Variants in SLC45A4 observed in about 807,000 individuals in gnomAD.
SLC45A4 encodes polyamine-transporter SLC45A4.
In SLC45A4, 32 loss-of-function variants were observed where a neutral mutation model predicts 63.7. The observed-to-expected ratio is 0.50, with a 90% CI of 0.38 to 0.67. SLC45A4 has a LOEUF of 0.67. Ranked by LOEUF, SLC45A4 falls within the 30% of genes least tolerant of loss-of-function variation. The pLI is 0.00. For missense variants in SLC45A4, 1,027 were observed against 1,157.7 expected (o/e 0.89, Z 1.64); for synonymous variants, 535 against 510.0 (o/e 1.05, Z -0.66).
intron 1 of SLC45A4, among the ~76,000 whole-genome samples, chr8:141,263,501 CTCATGCCTGTAA>C (rs1353626273): frequency 6.6e-6 from 1 of 151,926 alleles, no homozygotes; most frequent in East Asian, 1.9e-4. Context: ...GGCGCAGTGG[CTCATGCCTGTAA>C]TCCCAGCATT....
At position 141,296,864 on chromosome 8, in the gene SLC45A4, G is replaced by A. The variant is rs573310961; in HGVS notation, c.-401+11232C>T. On this transcript the variant is annotated intron_variant, in intron 1 of 8. Transcript: ENST00000517878. ...AAAAAAAAAAAAAAAAAAAGTGGAG[G>A]GAAAGACCCTCACGCCCTTTATCAT... 2.0e-5 allele frequency among the ~76,000 whole-genome samples: 3 copies of A among 151,252 alleles called. No individual in the cohort carries two copies. In the South Asian group the frequency reaches 6.3e-4, roughly 32 times the overall value.
intron 1 of SLC45A4, among the ~76,000 whole-genome samples, chr8:141,301,738 A>C (rs1282719620): frequency 3.2e-5 from 2 of 63,184 alleles, no homozygotes; most frequent in Admixed American, 2.0e-4. Context: ...CTATCTCAAA[A>C]AAAAAAAAAA....
chr8:141,213,865 G>C (rs1315691058), intron 7 of SLC45A4, among the ~76,000 whole-genome samples: 1 of 152,160 alleles, frequency 6.6e-6, no homozygotes, highest in Non-Finnish European at 1.5e-5. Context: ...TAATAATCTT[G>C]AAAGTGCAGA....
At chr8:141,222,088 G>A (rs970053400) in intron 2 of SLC45A4, among the ~76,000 whole-genome samples, 4 of 88,226 alleles carry the variant, frequency 4.5e-5, no homozygotes, top group African/African-American at 1.8e-4. Flanking sequence ...GCCCCGCCCA[G>A]GGCTGGACAC....
chr8:141,279,528 G>A (rs1482825762), intron 1 of SLC45A4, among the ~76,000 whole-genome samples: 1 of 152,256 alleles, frequency 6.6e-6, no homozygotes, highest in African/African-American at 2.4e-5. Context: ...CCTCTGGAAG[G>A]AGATGCCTTC....
At position 141,229,058 on chromosome 8, in the gene SLC45A4, G is replaced by A. The variant is rs879696724; in HGVS notation, c.242-7293C>T. Among the ~76,000 whole-genome samples, 7 of 152,080 alleles carry A rather than the reference G, an allele frequency of 4.6e-5. No homozygotes were observed. The highest frequency in any genetic ancestry group is 1.9e-4 in the East Asian group (1 of 5,180). ...GGCTCCTCCCGCCCATGGGACCTTC[G>A]AAGACACTGCTGCCTCTGCCTGAAG... On this transcript the variant is annotated intron_variant, in intron 2 of 8. Coordinates refer to ENST00000517878, the MANE Select transcript of SLC45A4 (RefSeq NM_001286646.2). This position sits in a 1 kb window ranked among gnomAD's most constrained non-coding sequence, Gnocchi z 5.0.
chr8:141,274,656 G>T (rs1242627395), intron 1 of SLC45A4, among the ~76,000 whole-genome samples: 1 of 152,068 alleles, frequency 6.6e-6, no homozygotes, highest in Non-Finnish European at 1.5e-5. Flanking sequence ...ACCACCATGG[G>T]ACCCTCTCCC....
At chr8:141,247,208 A>T (rs2096821105) in intron 2 of SLC45A4, among the ~76,000 whole-genome samples, 1 of 152,244 alleles carries the variant, frequency 6.6e-6, no homozygotes, top group African/African-American at 2.4e-5. Flanking sequence ...TGGAACTACT[A>T]AGTGAGTTTG....
intron 2 of SLC45A4, among the ~76,000 whole-genome samples, chr8:141,240,632 G>A (rs1324828155): frequency 6.6e-6 from 1 of 152,182 alleles, no homozygotes; most frequent in Admixed American, 6.5e-5. Context: ...CCAGCACTTG[G>A]GGAGGTTGAG....
chr8:141,263,030 A>C (rs1445260350), intron 1 of SLC45A4, among the ~76,000 whole-genome samples: 1 of 151,648 alleles, frequency 6.6e-6, no homozygotes, highest in Admixed American at 6.6e-5. Context: ...AATACTATGC[A>C]GCCATAAAAA....
intron 1 of SLC45A4, among the ~76,000 whole-genome samples, chr8:141,292,257 C>T (rs1228198861): frequency 6.6e-6 from 1 of 152,274 alleles, no homozygotes. Context: ...ACGCGGCATT[C>T]TGGGCCCGCC....
intron 2 of SLC45A4, among the ~76,000 whole-genome samples, chr8:141,248,540 A>G (rs957198721): frequency 1.3e-5 from 2 of 152,104 alleles, no homozygotes; most frequent in African/African-American, 4.8e-5. Context: ...ACTGCATTTC[A>G]GCCTGGGAAA....
intron 5 of SLC45A4, among the ~76,000 whole-genome samples, chr8:141,217,730 G>GT (rs1225395677): frequency 2.0e-5 from 3 of 152,210 alleles, no homozygotes; most frequent in African/African-American, 7.2e-5. Flanking sequence ...CTGACACACA[G>GT]TAACAGACAC....
In SLC45A4 at chr8:141,221,725, G is replaced by T; in HGVS notation, c.282C>A (p.Ser94Arg). Residue 94 changes from serine to arginine, a missense_variant, in exon 3 of 9, where the codon AGC becomes AGA. Transcript: ENST00000517878. ...EQYYSLTWFL[S>R]PILGLIFTPL... The stretch of plus-strand genomic sequence containing the variant: ...GTGTGAAGATGAGGCCAAGGATGGG[G>T]CTCAGGAACCAGGTGAGGCTGTAGT... 1 of 1,614,066 alleles carries T rather than the reference G, an allele frequency of 6.2e-7. No homozygotes were observed. The highest frequency in any genetic ancestry group is 8.5e-7 in the Non-Finnish European group (1 of 1,180,046).
intron 2 of SLC45A4, 50 bp downstream of exon 2, chr8:141,253,939 G>A (rs1297925263): frequency 5.9e-6 from 9 of 1,528,608 alleles, no homozygotes; most frequent in East Asian, 2.5e-5. Context: ...CGCCCAGTCC[G>A]CTAGCACTCC....
rs767210189 is a variant in SLC45A4, at chr8:141,219,705, G to A, written c.555C>T (p.Asp185=). 1.2e-4 allele frequency: 195 copies of A among 1,612,300 alleles called. 1 individual carries two copies. The highest frequency in any genetic ancestry group is 1.6e-4 in the Non-Finnish European group (185 of 1,179,494). The stretch of plus-strand genomic sequence containing the variant: ...TGTCCTGCTCCTCGCTGTCCACCAC[G>A]TCCAGCAGATAGGCACGGATGGGCC... The part of the protein sequence containing the change: ...TEGPIRAYLL[D]VVDSEEQDMA... Residue 185 remains aspartate, a synonymous_variant, in exon 4 of 9, where the codon GAC becomes GAT. Transcript: ENST00000517878.
chr8:141,217,136 G>A lies in SLC45A4; in HGVS notation c.1683C>T (p.Gly561=), dbSNP rs1340894968. 3 of 1,614,020 alleles carry A rather than the reference G, an allele frequency of 1.9e-6. No individual in the cohort carries two copies. The highest frequency in any genetic ancestry group is 1.1e-5 in the South Asian group (1 of 91,084). ...CGGCATAAATGACCAGGCCCCAGCA[G>A]CCCATCTTGACCCCGGCGTTGTAGG... ...WQAYNAGVKM[G]CWGLVIYAAT... Residue 561 remains glycine, a synonymous_variant, in exon 6 of 9, where the codon GGC becomes GGT. Transcript: ENST00000517878.
At position 141,303,293 on chromosome 8, in the gene SLC45A4, G is replaced by A. The variant is rs551200087; in HGVS notation, c.-401+4803C>T. 1.1e-4 allele frequency among the ~76,000 whole-genome samples: 16 copies of A among 149,242 alleles called. No individual in the cohort carries two copies. The South Asian group carries it at 3.0e-3, about 28-fold the overall frequency. ...ACTATAGGCACGTGCCATCGTGCCC[G>A]GCTAATTTTTGTTTTTTTTTTTTTT... On this transcript the variant is annotated intron_variant, in intron 1 of 8. Coordinates refer to ENST00000517878, the MANE Select transcript of SLC45A4 (RefSeq NM_001286646.2).
chr8:141,218,454 C>G lies in SLC45A4; in HGVS notation c.1186G>C (p.Gly396Arg). ...GSGSPTKDAL[G>R]GYTRVDTKPS... The stretch of plus-strand genomic sequence containing the variant: ...TTCGTGTCCACCCTGGTGTAGCCGC[C>G]GAGGGCGTCTTTTGTGGGGGAGCCA... Residue 396 changes from glycine (G) to arginine (R), a missense_variant, in exon 5 of 9, where the codon GGC (glycine) becomes CGC (arginine). Gly to Arg is a moderately radical substitution (Grantham distance 125). Coordinates refer to ENST00000517878, the MANE Select transcript of SLC45A4 (RefSeq NM_001286646.2). 1 of 1,612,836 alleles carries G rather than the reference C, an allele frequency of 6.2e-7. No individual in the cohort carries two copies. Among genetic ancestry groups the G allele is most frequent in the Non-Finnish European group, 8.5e-7 (1 of 1,179,936 alleles).
Sources: allele counts gnomAD v4.1 joint callset (sites outside exome capture counted in the v4.1 genomes callset), GRCh38; gene constraint gnomAD v4.1.1; non-coding constraint Gnocchi (gnomAD v3.1); transcripts MANE v1.5; gene names NCBI Gene and HGNC (gene_info 2026-07-23, HGNC 2026-07-21).